Variants in FRMD4A observed in about 807,000 individuals in gnomAD.
FRMD4A encodes the protein FERM domain-containing protein 4A.
A neutral mutation model predicts 129.1 loss-of-function variants in FRMD4A; 29 were observed. The ratio of observed to expected loss-of-function variants is 0.22; its 90% confidence interval spans 0.17 to 0.31. The LOEUF (loss-of-function observed/expected upper bound fraction) is 0.31. Among genes scored for constraint, FRMD4A ranks in the 10% least tolerant of loss-of-function variants. The pLI, the probability that FRMD4A is intolerant of heterozygous loss-of-function variation, is 1.00. For synonymous variants in FRMD4A, 634 were observed against 571.6 expected, an observed-to-expected ratio of 1.11 and a Z score of -1.56; for missense variants, 1,272 against 1,375.8, an observed-to-expected ratio of 0.92 and a Z score of 1.19.
intron 2 of FRMD4A, among the ~76,000 whole-genome samples, chr10:14,103,358 TTC>T (rs1837409904): frequency 6.6e-6 from 1 of 152,210 alleles, no homozygotes; most frequent in Non-Finnish European, 1.5e-5. Flanking sequence ...GGGGGTAACC[TTC>T]TCTCTCTTTT....
In FRMD4A at chr10:13,737,886, C is replaced by A. The variant is rs1241926501; in HGVS notation, c.717G>T (p.Gly239=). 1.2e-6 allele frequency: 2 copies of A among 1,608,908 alleles called. No homozygotes were observed. Among genetic ancestry groups the A allele is most frequent in the Non-Finnish European group, 1.7e-6 (2 of 1,175,616 alleles). Reference sequence around the variant, plus strand: ...TATCATGGTAGTCATACTGGAAGATCCCTTTGTAGCTCAGGCCCAGCCACC... The same window carrying A: ...TATCATGGTAGTCATACTGGAAGATACCTTTGTAGCTCAGGCCCAGCCACC... ...IPWWLGLSYK[G]IFQYDYHDKV... The change falls in exon 12 of 25, where the codon GGG becomes GGT. Residue 239 remains glycine (G), a synonymous_variant. Coordinates refer to ENST00000357447, the MANE Select transcript of FRMD4A (RefSeq NM_018027.5).
intron 3 of FRMD4A, among the ~76,000 whole-genome samples, chr10:13,815,756 G>A (rs2093532239): frequency 1.3e-5 from 2 of 152,148 alleles, no homozygotes; most frequent in Non-Finnish European, 2.9e-5. Context: ...TGACATTATG[G>A]ATTTATACAT....
At chr10:14,296,852 C>T (rs1039594976) in intron 2 of FRMD4A, among the ~76,000 whole-genome samples, 3 of 152,118 alleles carry the variant, frequency 2.0e-5, no homozygotes, top group South Asian at 4.1e-4. Context: ...ACTCCCTTTC[C>T]CCCCAGTTCT....
At chr10:13,787,962 C>G (rs750558853) in intron 5 of FRMD4A, among the ~76,000 whole-genome samples, 23 of 152,148 alleles carry the variant, frequency 1.5e-4, no homozygotes, top group Non-Finnish European at 2.6e-4. Context: ...TAACTACCAG[C>G]ATGGAGCAGG....
rs1308851324 is a variant in FRMD4A at position 14,172,026 on chromosome 10, A to G, written c.45+158032T>C. On this transcript the variant is annotated intron_variant, in intron 2 of 24. Transcript: ENST00000357447. Reference sequence around the variant, plus strand: ...TTGGACAGGGCAACTTAGGATTTAAAACCAAGCCTTGCCAATGGGATTCTC... The same window carrying G: ...TTGGACAGGGCAACTTAGGATTTAAGACCAAGCCTTGCCAATGGGATTCTC... Among the ~76,000 whole-genome samples the G allele has an allele frequency of 3.9e-5, 6 of 152,322 alleles. No individual in the cohort carries two copies. In the East Asian group the frequency reaches 1.2e-3, roughly 29 times the overall value.
intron 2 of FRMD4A, among the ~76,000 whole-genome samples, chr10:14,293,798 A>T (rs1845922584): frequency 6.6e-6 from 1 of 152,218 alleles, no homozygotes; most frequent in South Asian, 2.1e-4. Context: ...GAATGTACAC[A>T]CAGTGTTGTC....
At chr10:14,181,192 G>T (rs1841901000) in intron 2 of FRMD4A, among the ~76,000 whole-genome samples, 1 of 152,224 alleles carries the variant, frequency 6.6e-6, no homozygotes, top group Non-Finnish European at 1.5e-5. Context: ...AGCTGGAAAT[G>T]GTTCTCTACC....
intron 2 of FRMD4A, among the ~76,000 whole-genome samples, chr10:14,207,329 T>C (rs754817278): frequency 2.0e-5 from 3 of 152,104 alleles, no homozygotes; most frequent in African/African-American, 4.8e-5. Flanking sequence ...TTCGGGATGA[T>C]TCAAGCGCAT....
chr10:14,291,504 T>G (rs1845849196), intron 2 of FRMD4A, among the ~76,000 whole-genome samples: 1 of 152,148 alleles, frequency 6.6e-6, no homozygotes, highest in Non-Finnish European at 1.5e-5. Flanking sequence ...GTTGGCTTAA[T>G]AGAGTAATGT....
At chr10:13,953,675 G>A (rs762137604) in intron 2 of FRMD4A, among the ~76,000 whole-genome samples, 17 of 152,112 alleles carry the variant, frequency 1.1e-4, no homozygotes, top group Admixed American at 2.0e-4. Context: ...ATAGCCTCAA[G>A]CACAAGAGCA....
In FRMD4A at chr10:13,694,064, AAAG is replaced by A. The variant is rs2085985711; in HGVS notation, c.976-28_976-26del. ...ACTGGAATGGAAAGGGAAGCAGGTC[AAAG>A]AAGTGACGCTCACCTTGCGGAAAGG... On this transcript the variant is annotated intron_variant, in intron 14 of 24. Transcript: ENST00000357447. 2.0e-6 allele frequency: 3 copies of A among 1,498,286 alleles called. No homozygotes were observed. The African/African-American group carries it at 4.2e-5, about 21-fold the overall frequency. 92.8% of individuals were successfully genotyped at this position (1,498,286 alleles called of 1,614,324 possible).
intron 5 of FRMD4A, among the ~76,000 whole-genome samples, chr10:13,794,007 G>C (rs958753631): frequency 6.6e-6 from 1 of 152,092 alleles, no homozygotes; most frequent in African/African-American, 2.4e-5. Flanking sequence ...CTGGTGATGA[G>C]CCCCACCCCA....
At chr10:13,682,032 CA>C (rs985247607) in intron 15 of FRMD4A, among the ~76,000 whole-genome samples, 39 of 151,320 alleles carry the variant, frequency 2.6e-4, no homozygotes, top group African/African-American at 9.5e-4. Context: ...CCATCTTGGG[CA>C]ACATAGCCAG....
intron 2 of FRMD4A, among the ~76,000 whole-genome samples, chr10:13,910,488 A>G (rs952691401): frequency 6.6e-6 from 1 of 152,240 alleles, no homozygotes; most frequent in Admixed American, 6.5e-5. Flanking sequence ...CATGAGCTAC[A>G]TAAATGCTGG....
At position 14,104,241 on chromosome 10, in the gene FRMD4A, C is replaced by T. The variant is rs561449627; in HGVS notation, c.45+225817G>A. Among the ~76,000 whole-genome samples the T allele has an allele frequency of 3.3e-5, 5 of 151,876 alleles. No homozygotes were observed. The South Asian group carries it at 1.0e-3, about 32-fold the overall frequency. On this transcript the variant is annotated intron_variant, in intron 2 of 24. Transcript: ENST00000357447. ...CTGCCACTGAGGTCTACACTGCCATCGAGTTTACACTGCCATGGGGGTTAC... is the reference window on the plus strand; with the variant it reads ...CTGCCACTGAGGTCTACACTGCCATTGAGTTTACACTGCCATGGGGGTTAC...
chr10:14,199,953 G>T (rs1187263588), intron 2 of FRMD4A, among the ~76,000 whole-genome samples: 4 of 149,920 alleles, frequency 2.7e-5, no homozygotes, highest in African/African-American at 9.7e-5. Context: ...TGATATTTTG[G>T]TATATGTTTA....
rs67956646 is a variant in FRMD4A at position 14,039,446 on chromosome 10, A to AAATCAATC, written c.46-180542_46-180535dup. On this transcript the variant is annotated intron_variant, in intron 2 of 24. Transcript: ENST00000357447. Reference sequence around the variant, plus strand: ...TCTATCTATCTATATTGGAACCCCAAAATCAATCAATCTATCTATCTATCT... The same window carrying AAATCAATC: ...TCTATCTATCTATATTGGAACCCCAAAATCAATCAATCAATCAATCTATCTATCTATCT... Among the ~76,000 whole-genome samples, 5 of 110,562 alleles carry AAATCAATC rather than the reference A, an allele frequency of 4.5e-5. No homozygotes were observed. In the South Asian group the frequency reaches 8.9e-4, roughly 20 times the overall value. The allele number at this position is 110,562 out of a possible 152,430, so 72.5% of individuals were successfully genotyped here.
At chr10:14,026,717 C>G (rs899333432) in intron 2 of FRMD4A, among the ~76,000 whole-genome samples, 1 of 152,208 alleles carries the variant, frequency 6.6e-6, no homozygotes, top group African/African-American at 2.4e-5. Context: ...AGTCTCAACA[C>G]AAGAGGACTT....
chr10:13,946,820 C>T (rs2095335383), intron 2 of FRMD4A, among the ~76,000 whole-genome samples: 1 of 152,190 alleles, frequency 6.6e-6, no homozygotes, highest in Non-Finnish European at 1.5e-5. Flanking sequence ...GTGTCTATCT[C>T]TCGATGCCTG....
Sources: allele counts gnomAD v4.1 joint callset (sites outside exome capture counted in the v4.1 genomes callset), GRCh38; gene constraint gnomAD v4.1.1; transcripts MANE v1.5; gene names NCBI Gene and HGNC (gene_info 2026-07-23, HGNC 2026-07-21).